Variants in PSCA observed in about 807,000 individuals in gnomAD.
The protein encoded by PSCA is prostate stem cell antigen.
A neutral mutation model predicts 7.9 loss-of-function variants in PSCA; 7 were observed. That is an observed-to-expected ratio of 0.89 (90% CI 0.51 to 1.67). The LOEUF is 1.67. PSCA is among the 40% of genes most tolerant of loss of function. PSCA has a pLI of 0.00. For synonymous variants in PSCA, 61 were observed against 68.3 expected, an observed-to-expected ratio of 0.89 and a Z score of 0.53; for missense variants, 151 against 147.9, an observed-to-expected ratio of 1.02 and a Z score of -0.11.
At chr8:142,677,429 G>A (rs1372814697), upstream of PSCA, among the ~76,000 whole-genome samples, 7 of 152,182 alleles carry the variant, frequency 4.6e-5, no homozygotes, top group East Asian at 3.9e-4. Context: ...ATTCCCTGGC[G>A]GTGCAGAGTC....
chr8:142,677,053 C>T (rs1554637880), upstream of PSCA, among the ~76,000 whole-genome samples: 3 of 152,182 alleles, frequency 2.0e-5, no homozygotes, highest in Non-Finnish European at 4.4e-5. Flanking sequence ...CATTCTGTGA[C>T]CAGGATCAGG....
At chr8:142,676,752 CAG>C (rs1469563743), upstream of PSCA, 18 of 152,230 alleles carry the variant, frequency 1.2e-4, no homozygotes, top group African/African-American at 3.9e-4. Context: ...TTTATCAAGA[CAG>C]GGGAATCACA....
chr8:142,676,940 G>A (rs368469155), upstream of PSCA, among the ~76,000 whole-genome samples: 19 of 152,208 alleles, frequency 1.2e-4, no homozygotes, highest in Admixed American at 4.6e-4. Flanking sequence ...CTCAGTTTAG[G>A]CTCAGGGGCT....
chr8:142,679,374 G>A (rs1194525982), upstream of PSCA, among the ~76,000 whole-genome samples: 4 of 152,184 alleles, frequency 2.6e-5, no homozygotes, highest in South Asian at 2.1e-4. Context: ...ATGAAGGCCC[G>A]TCCAACAGGG....
At position 142,673,225 on chromosome 8, in the gene PSCA, T is replaced by C. The variant is rs587670856; in HGVS notation, n.261+2657T>C. ...CCTCACTATCTGCCTAAATAATTTATTTTTAACTCCTATTTTTAACTGCCA... is the reference window on the plus strand; with the variant it reads ...CCTCACTATCTGCCTAAATAATTTACTTTTAACTCCTATTTTTAACTGCCA... On this transcript the variant is annotated intron_variant and non_coding_transcript_variant, in intron 1 of 1. Transcript: ENST00000505305. This position sits in a 1 kb window ranked among gnomAD's most constrained non-coding sequence, Gnocchi z 4.6. Among the ~76,000 whole-genome samples, 1 of 152,162 alleles carries C rather than the reference T, an allele frequency of 6.6e-6. No homozygotes were observed. Among genetic ancestry groups the C allele is most frequent in the South Asian group, 2.1e-4 (1 of 4,826 alleles).
intron 1 of PSCA, among the ~76,000 whole-genome samples, chr8:142,674,701 C>T (rs1394591516): frequency 5.3e-5 from 8 of 152,170 alleles, no homozygotes; most frequent in East Asian, 3.9e-4. Context: ...GCCCCAAGTT[C>T]GCAGAGCAGA....
At chr8:142,670,864 G>A (rs1316655018) in intron 1 of PSCA, among the ~76,000 whole-genome samples, 1 of 152,212 alleles carries the variant, frequency 6.6e-6, no homozygotes, top group African/African-American at 2.4e-5. Context: ...GGTATCCATA[G>A]AGGATTGGTT....
At chr8:142,670,515 A>G (rs1406288176) in exon 1 of PSCA, 3 of 152,234 alleles carry the variant, frequency 2.0e-5, no homozygotes, top group African/African-American at 7.2e-5. Flanking sequence ...TCCATACCCA[A>G]TTTAGATGAT....
Position 142,673,428 on chromosome 8 carries a change from A to G in PSCA, n.261+2860A>G, listed in dbSNP as rs1847358916. On this transcript the variant is annotated intron_variant and non_coding_transcript_variant, in intron 1 of 1. Coordinates refer to the PSCA transcript ENST00000505305. This position sits in a 1 kb window ranked among gnomAD's most constrained non-coding sequence, Gnocchi z 4.6. ...GGACCAAGTCCATTCTGACACTGGGAGGGGTCAGAAAGAGAGGAAGAAAAT... is the reference window on the plus strand; with the variant it reads ...GGACCAAGTCCATTCTGACACTGGGGGGGGTCAGAAAGAGAGGAAGAAAAT... 6.6e-6 allele frequency among the ~76,000 whole-genome samples: 1 copy of G among 152,204 alleles called. No homozygotes were observed. Among genetic ancestry groups the G allele is most frequent in the Non-Finnish European group, 1.5e-5 (1 of 68,038 alleles).
Position 142,681,347 on chromosome 8 carries a change from T to C in PSCA, c.46T>C (p.Ser16Pro). 2 of 1,571,104 alleles carry C rather than the reference T, an allele frequency of 1.3e-6. No homozygotes were observed. The highest frequency in any genetic ancestry group is 1.7e-6 in the Non-Finnish European group (2 of 1,158,222). Residue 16 changes from serine (S) to proline (P), a missense_variant, in exon 2 of 3, where the codon TCC (serine) becomes CCC (proline). Ser to Pro is a moderately conservative substitution (Grantham distance 74). Transcript: ENST00000301258. ...LQPGTALLCYSCKAQVSNEDC... is the reference protein window; with the variant it reads ...LQPGTALLCYPCKAQVSNEDC... ...CACAGGCACTGCCCTGCTGTGCTACTCCTGCAAAGCCCAGGTGAGCAACGA... is the reference window on the plus strand; with the variant it reads ...CACAGGCACTGCCCTGCTGTGCTACCCCTGCAAAGCCCAGGTGAGCAACGA...
chr8:142,682,169 G>A lies in PSCA; in HGVS notation c.*37G>A, dbSNP rs1428545387. The A allele has an allele frequency of 6.4e-7, 1 of 1,568,494 alleles. No individual in the cohort carries two copies. Among genetic ancestry groups the A allele is most frequent in the Non-Finnish European group, 8.6e-7 (1 of 1,162,420 alleles). Reference sequence around the variant, plus strand: ...CCCCGCTGCAGCCCACACTGGGTGTGGTGCCCCAGGCCTCTGTGCCACTCC... The same window carrying A: ...CCCCGCTGCAGCCCACACTGGGTGTAGTGCCCCAGGCCTCTGTGCCACTCC... On this transcript the variant is annotated 3_prime_UTR_variant, in exon 3 of 3. Transcript: ENST00000301258.
chr8:142,682,047 G>A lies in PSCA; in HGVS notation c.260G>A (p.Gly87Glu). 2 of 1,612,176 alleles carry A rather than the reference G, an allele frequency of 1.2e-6. No homozygotes were observed. The highest frequency in any genetic ancestry group is 1.7e-6 in the Non-Finnish European group (2 of 1,179,800). The change falls in exon 3 of 3, where the codon GGG becomes GAG. Residue 87 changes from glycine (G) to glutamate (E), a missense_variant. Physicochemically the swap from Gly to Glu is moderately conservative, Grantham distance 98 (BLOSUM62 -2). Coordinates refer to ENST00000301258, the MANE Select transcript of PSCA (RefSeq NM_005672.5). Reference protein sequence around the residue: ...CCDTDLCNASGAHALQPAAAI... With the variant: ...CCDTDLCNASEAHALQPAAAI... ...GACACCGACTTGTGCAACGCCAGCG[G>A]GGCCCATGCCCTGCAGCCGGCTGCT...
intron 1 of PSCA, among the ~76,000 whole-genome samples, chr8:142,671,404 C>T (rs1554637348): frequency 6.6e-6 from 1 of 152,178 alleles, no homozygotes; most frequent in African/African-American, 2.4e-5. Flanking sequence ...GCCTGCTGAC[C>T]CCTTGATCTT....
At chr8:142,680,644 G>T in intron 1 of PSCA, 81 bp downstream of exon 1, 1 of 1,502,852 alleles carries the variant, frequency 6.7e-7, no homozygotes, top group South Asian at 1.2e-5. Context: ...AGGGCACACG[G>T]AGAGGAGGGG....
intron 1 of PSCA, among the ~76,000 whole-genome samples, chr8:142,671,157 G>C (rs587659209): frequency 6.6e-6 from 1 of 152,334 alleles, no homozygotes; most frequent in South Asian, 2.1e-4. Context: ...AGAGCCCACG[G>C]GTTCAGATAG....
chr8:142,671,767 C>A (rs144144291), intron 1 of PSCA, among the ~76,000 whole-genome samples: 34 of 152,240 alleles, frequency 2.2e-4, no homozygotes, highest in Non-Finnish European at 3.7e-4. Context: ...AGGCTGGTCT[C>A]GAGCTCGTGG....
upstream of PSCA, chr8:142,676,467 G>C (rs1264670522): frequency 1.3e-5 from 2 of 152,292 alleles, no homozygotes; most frequent in African/African-American, 4.8e-5. Flanking sequence ...ACCACCTCAG[G>C]GACGGGATCA....
At chr8:142,681,812 C>A in intron 2 of PSCA, 109 bp from the exon 3 acceptor site, 1 of 805,364 alleles carries the variant, frequency 1.2e-6, no homozygotes, top group South Asian at 1.8e-5. Context: ...TGAGGCCAGC[C>A]CAGGGGGACT....
At chr8:142,681,269 C>T in intron 1 of PSCA, 58 bp from the exon 2 acceptor site, 1 of 1,371,398 alleles carries the variant, frequency 7.3e-7, no homozygotes, top group Non-Finnish European at 1.0e-6. Flanking sequence ...CTGGGAGCCC[C>T]CATTCCTGGG....
Sources: allele counts gnomAD v4.1 joint callset (sites outside exome capture counted in the v4.1 genomes callset), GRCh38; gene constraint gnomAD v4.1.1; non-coding constraint Gnocchi (gnomAD v3.1); transcripts MANE v1.5; gene names NCBI Gene and HGNC (gene_info 2026-07-23, HGNC 2026-07-21).